Variants in ALK observed in about 807,000 individuals in gnomAD.
The protein encoded by ALK is ALK receptor tyrosine kinase, also known as ALK tyrosine kinase receptor.
Under a neutral mutation model 163.1 loss-of-function variants are expected in ALK, and 74 were observed. The observed-to-expected ratio is 0.45, with a 90% CI of 0.38 to 0.55. ALK has a LOEUF of 0.55. Ranked by LOEUF, ALK falls within the 20% of genes least tolerant of loss-of-function variation. ALK has a pLI of 0.00. For synonymous variants in ALK, 960 were observed against 843.2 expected (o/e 1.14, Z -2.40); for missense variants, 2,063 against 2,105.3 (o/e 0.98, Z 0.39).
chr2:29,814,708 T>C (rs1208215572), intron 1 of ALK, among the ~76,000 whole-genome samples: 1 of 152,028 alleles, frequency 6.6e-6, no homozygotes, highest in African/African-American at 2.4e-5. Context: ...CAGGCATGCC[T>C]AAGCCTGAAT....
At chr2:29,313,100 CAG>C (rs1666737352) in intron 8 of ALK, among the ~76,000 whole-genome samples, 1 of 152,194 alleles carries the variant, frequency 6.6e-6, no homozygotes, top group Non-Finnish European at 1.5e-5. Flanking sequence ...CATGCATGGG[CAG>C]AGAGGCTGGT....
At chr2:29,559,356 T>C (rs936447788) in intron 3 of ALK, among the ~76,000 whole-genome samples, 6 of 152,152 alleles carry the variant, frequency 3.9e-5, no homozygotes, top group Admixed American at 2.6e-4. Flanking sequence ...GTAGGACTGA[T>C]TAAATAGGTA....
intron 1 of ALK, among the ~76,000 whole-genome samples, chr2:29,757,093 G>A (rs768793850): frequency 3.9e-5 from 6 of 152,196 alleles, no homozygotes; most frequent in Admixed American, 6.5e-5. Flanking sequence ...AGTGAGCTCT[G>A]TAGGCTAGTA....
At chr2:29,266,952 C>A (rs1665237697) in intron 11 of ALK, among the ~76,000 whole-genome samples, 2 of 152,194 alleles carry the variant, frequency 1.3e-5, no homozygotes, top group Admixed American at 6.5e-5. Context: ...GATAATCACA[C>A]CCTTGTGTAA....
At chr2:29,464,152 G>C (rs548481458) in intron 4 of ALK, among the ~76,000 whole-genome samples, 1 of 152,192 alleles carries the variant, frequency 6.6e-6, no homozygotes, top group Non-Finnish European at 1.5e-5. Context: ...ACAATGTCTA[G>C]TATCTAACCA....
intron 3 of ALK, among the ~76,000 whole-genome samples, chr2:29,634,473 T>TA (rs1357729354): frequency 4.6e-5 from 7 of 152,004 alleles, no homozygotes; most frequent in Admixed American, 1.3e-4. Context: ...GGTTCAATAT[T>TA]AAAAAAATCA....
intron 3 of ALK, among the ~76,000 whole-genome samples, chr2:29,579,787 G>A (rs1021422132): frequency 6.6e-6 from 1 of 152,156 alleles, no homozygotes; most frequent in African/African-American, 2.4e-5. Flanking sequence ...CAGTCTTGAC[G>A]AAGCTGGGCA....
At chr2:29,436,896 A>G (rs937530667) in intron 4 of ALK, among the ~76,000 whole-genome samples, 7 of 152,094 alleles carry the variant, frequency 4.6e-5, no homozygotes, top group African/African-American at 1.4e-4. Context: ...CCCTCAAACC[A>G]CTTAGGGAGC....
chr2:29,634,226 T>C (rs11693796), intron 3 of ALK, among the ~76,000 whole-genome samples: 96,361 of 151,488 alleles, frequency 0.64, 31,611 homozygotes, highest in Middle Eastern at 0.73. Context: ...CCCTCTCGAA[T>C]AGCTAGGATT....
At chr2:29,828,053 A>G (rs1037717940) in intron 1 of ALK, among the ~76,000 whole-genome samples, 1 of 152,242 alleles carries the variant, frequency 6.6e-6, no homozygotes, top group Non-Finnish European at 1.5e-5. Context: ...CCTGACAAAA[A>G]CAAGAAATGG....
chr2:29,668,446 T>G (rs950835003), intron 3 of ALK, among the ~76,000 whole-genome samples: 1 of 152,246 alleles, frequency 6.6e-6, no homozygotes, highest in Middle Eastern at 3.4e-3. Context: ...TTTTGGTATG[T>G]TGTATTTCCA....
At chr2:29,905,840 T>C (rs1419015976) in intron 1 of ALK, among the ~76,000 whole-genome samples, 1 of 152,194 alleles carries the variant, frequency 6.6e-6, no homozygotes, top group Non-Finnish European at 1.5e-5. Context: ...GTGATCTGTT[T>C]AGCACAACCT....
At chr2:29,901,650 G>C (rs906175969) in intron 1 of ALK, among the ~76,000 whole-genome samples, 3 of 152,082 alleles carry the variant, frequency 2.0e-5, no homozygotes, top group African/African-American at 7.2e-5. Context: ...CAAACAACAG[G>C]GCTGTCCAGG....
intron 5 of ALK, among the ~76,000 whole-genome samples, chr2:29,374,282 A>T (rs1016060553): frequency 6.6e-6 from 1 of 152,246 alleles, no homozygotes; most frequent in African/African-American, 2.4e-5. Context: ...CCTGATGAGA[A>T]AATGAAAACT....
chr2:29,476,224 C>T (rs1323453902), intron 4 of ALK, among the ~76,000 whole-genome samples: 1 of 152,140 alleles, frequency 6.6e-6, no homozygotes, highest in African/African-American at 2.4e-5. Flanking sequence ...AGGCATGCAT[C>T]TAGTCCTTCA....
At chr2:29,271,977 GAGA>G (rs558018538) in intron 11 of ALK, among the ~76,000 whole-genome samples, 11 of 152,170 alleles carry the variant, frequency 7.2e-5, no homozygotes, top group Non-Finnish European at 1.5e-4. Flanking sequence ...GAGCTCCAAG[GAGA>G]AGGATAGAGG....
intron 3 of ALK, among the ~76,000 whole-genome samples, chr2:29,553,031 A>C (rs1673756476): frequency 6.6e-6 from 1 of 152,214 alleles, no homozygotes; most frequent in Non-Finnish European, 1.5e-5. Context: ...TTATTCAGCG[A>C]AATTCTAATC....
At chr2:29,805,950 C>G (rs1469117553) in intron 1 of ALK, among the ~76,000 whole-genome samples, 1 of 152,106 alleles carries the variant, frequency 6.6e-6, no homozygotes, top group East Asian at 1.9e-4. Flanking sequence ...TTACAGAACC[C>G]AAACCATAAG....
chr2:29,747,814 A>G (rs1282576278), intron 1 of ALK, among the ~76,000 whole-genome samples: 5 of 152,168 alleles, frequency 3.3e-5, no homozygotes, highest in African/African-American at 1.2e-4. Context: ...AGTTCCTTTG[A>G]TGGAAGTCTA....
Sources: gnomAD v4.1 joint callset for allele counts (sites outside exome capture counted in the v4.1 genomes callset) on GRCh38, gnomAD v4.1.1 for gene constraint, MANE v1.5 for transcripts, NCBI Gene and HGNC (gene_info 2026-07-23, HGNC 2026-07-21) for gene names.